The following SREK1IP1 variants were observed in gnomAD, a reference collection of about 807,000 sequenced individuals.
SREK1IP1 encodes protein SREK1IP1.
A neutral mutation model predicts 22.8 loss-of-function variants in SREK1IP1; 12 were observed. That is an observed-to-expected ratio of 0.53 (90% CI 0.34 to 0.85). The LOEUF (loss-of-function observed/expected upper bound fraction) is 0.85. Among genes scored for constraint, SREK1IP1 ranks in the 40% least tolerant of loss-of-function variants. The pLI, the probability that SREK1IP1 is intolerant of heterozygous loss-of-function variation, is 0.02. For missense variants in SREK1IP1, 147 were observed against 171.8 expected (o/e 0.86, Z 0.81); for synonymous variants, 53 against 52.7 (o/e 1.01, Z -0.02).
At chr5:64,755,977 TAAGA>T (rs953265605) in intron 1 of SREK1IP1, among the ~76,000 whole-genome samples, 30 of 152,204 alleles carry the variant, frequency 2.0e-4, no homozygotes, top group South Asian at 6.2e-4. Context: ...CTAGGTATTA[TAAGA>T]AATATCTAAA....
chr5:64,751,573 T>C (rs940941570), intron 2 of SREK1IP1, among the ~76,000 whole-genome samples: 9 of 152,212 alleles, frequency 5.9e-5, no homozygotes, highest in Admixed American at 2.0e-4. Flanking sequence ...CAGAATGTTC[T>C]TCACTGTCCA....
At chr5:64,757,297 G>A (rs1358296241) in intron 1 of SREK1IP1, among the ~76,000 whole-genome samples, 1 of 152,170 alleles carries the variant, frequency 6.6e-6, no homozygotes, top group African/African-American at 2.4e-5. Context: ...CTGGGAGGCT[G>A]AGGTAGGAGG....
intron 2 of SREK1IP1, 148 bp downstream of exon 2, chr5:64,754,167 C>A: frequency 1.5e-6 from 1 of 679,774 alleles, no homozygotes; most frequent in South Asian, 2.2e-5. Flanking sequence ...TTAGTGCTAA[C>A]AGAGGAATTT....
At chr5:64,737,528 A>G (rs1401011725) in intron 3 of SREK1IP1, among the ~76,000 whole-genome samples, 1 of 150,212 alleles carries the variant, frequency 6.7e-6, no homozygotes. Context: ...AAAAAAGAAA[A>G]GAAGGATCTC....
chr5:64,750,436 T>A (rs902853316), intron 2 of SREK1IP1, among the ~76,000 whole-genome samples: 1 of 152,190 alleles, frequency 6.6e-6, no homozygotes, highest in Admixed American at 6.5e-5. Context: ...GACAAATGAA[T>A]CTGACTCAAA....
intron 3 of SREK1IP1, among the ~76,000 whole-genome samples, chr5:64,737,435 C>A: frequency 7.0e-6 from 1 of 143,660 alleles, no homozygotes; most frequent in Non-Finnish European, 1.5e-5. Flanking sequence ...AAAAGCAGTA[C>A]TAAAAGGGAA....
chr5:64,718,221 C>A lies in SREK1IP1; in HGVS notation c.*6163G>T. 2.3e-6 allele frequency: 1 copy of A among 444,116 alleles called. No individual in the cohort carries two copies. 27.5% of individuals were successfully genotyped at this position (444,116 alleles called of 1,614,324 possible). A position where few individuals can be genotyped will look rare whatever the true frequency, so the allele number is the denominator to read the frequency against. Reference sequence around the variant, plus strand: ...GTTTTCCTTTGTATAAATTTATTTGCTAATTAAGATGTTTCTGTATCACAT... The same window carrying A: ...GTTTTCCTTTGTATAAATTTATTTGATAATTAAGATGTTTCTGTATCACAT... On this transcript the variant is annotated 3_prime_UTR_variant, in exon 5 of 5. Transcript: ENST00000513458.
intron 2 of SREK1IP1, 130 bp from the exon 3 acceptor site, chr5:64,741,330 T>C: frequency 1.1e-6 from 1 of 900,138 alleles, no homozygotes; most frequent in Non-Finnish European, 1.7e-6. Context: ...AGCTTTAACT[T>C]TTATTCAGTT....
intron 2 of SREK1IP1, among the ~76,000 whole-genome samples, chr5:64,748,992 C>T (rs1742691340): frequency 6.6e-6 from 1 of 151,064 alleles, no homozygotes; most frequent in African/African-American, 2.4e-5. Flanking sequence ...AGGTTATGAC[C>T]ATTTATTTTA....
At position 64,724,359 on chromosome 5, in the gene SREK1IP1, T is replaced by C. The variant is rs1221556069; in HGVS notation, c.*25A>G. ...ACGTTTTAAAAACAAATTTTTAAAT[T>C]TAACGGCTTAAGCCAAAGTCTCAGT... On this transcript the variant is annotated 3_prime_UTR_variant, in exon 5 of 5. Coordinates refer to ENST00000513458, the MANE Select transcript of SREK1IP1 (RefSeq NM_173829.4). The C allele has an allele frequency of 2.0e-6, 3 of 1,494,416 alleles. No individual in the cohort carries two copies. In the African/African-American group the frequency reaches 4.2e-5, roughly 21 times the overall value. 92.6% of individuals were successfully genotyped at this position (1,494,416 alleles called of 1,614,324 possible).
chr5:64,719,675 A>G lies in SREK1IP1; in HGVS notation c.*4709T>C, dbSNP rs1482104863. The stretch of plus-strand genomic sequence containing the variant: ...CAAGAAGCAAGAAACAGACAGAGCT[A>G]GCAAAATGCTCACTGCCCCAACTCC... On this transcript the variant is annotated 3_prime_UTR_variant, in exon 5 of 5. Coordinates refer to ENST00000513458, the MANE Select transcript of SREK1IP1 (RefSeq NM_173829.4). 1 of 152,220 alleles carries G rather than the reference A, an allele frequency of 6.6e-6. No individual in the cohort carries two copies. The highest frequency in any genetic ancestry group is 1.5e-5 in the Non-Finnish European group (1 of 68,048). The allele number at this position is 152,220 out of a possible 1,614,324, so 9.4% of individuals were successfully genotyped here.
intron 3 of SREK1IP1, among the ~76,000 whole-genome samples, chr5:64,730,343 C>T (rs990947790): frequency 6.6e-6 from 1 of 151,998 alleles, no homozygotes; most frequent in Non-Finnish European, 1.5e-5. Context: ...GAATAAATAA[C>T]TTTGATGAGA....
At chr5:64,766,810 T>C (rs913887219) in intron 1 of SREK1IP1, among the ~76,000 whole-genome samples, 1 of 152,192 alleles carries the variant, frequency 6.6e-6, no homozygotes, top group African/African-American at 2.4e-5. Flanking sequence ...ATCTGTAAAA[T>C]GGGAATATTA....
Position 64,768,678 on chromosome 5 carries a change from C to T in SREK1IP1, c.-161G>A. 2.3e-6 allele frequency: 2 copies of T among 885,802 alleles called. No individual in the cohort carries two copies. Among genetic ancestry groups the T allele is most frequent in the Non-Finnish European group, 3.6e-6 (2 of 560,542 alleles). 54.9% of individuals were successfully genotyped at this position (885,802 alleles called of 1,614,324 possible). A position where few individuals can be genotyped will look rare whatever the true frequency, so the allele number is the denominator to read the frequency against. ...AGGGCCTGTACGCCTCTAGCGACGGCAGAACCAGTAGATGCGGATGCAGTT... is the reference window on the plus strand; with the variant it reads ...AGGGCCTGTACGCCTCTAGCGACGGTAGAACCAGTAGATGCGGATGCAGTT... On this transcript the variant is annotated 5_prime_UTR_variant, in exon 1 of 5. Transcript: ENST00000513458.
chr5:64,741,032 A>C, intron 3 of SREK1IP1, 25 bp downstream of exon 3: 1 of 1,597,548 alleles, frequency 6.3e-7, no homozygotes, highest in South Asian at 1.1e-5. Context: ...AACATTTCTA[A>C]AGAATGGAAA....
intron 1 of SREK1IP1, among the ~76,000 whole-genome samples, chr5:64,757,101 A>G (rs568253355): frequency 8.5e-5 from 13 of 152,296 alleles, no homozygotes; most frequent in Middle Eastern, 6.8e-3. Context: ...TTAAATTTTA[A>G]TATTATTTTA....
intron 2 of SREK1IP1, among the ~76,000 whole-genome samples, chr5:64,752,144 G>GATTTTTTTTTTT (rs1554065460): frequency 1.2e-5 from 1 of 85,476 alleles, no homozygotes; most frequent in Non-Finnish European, 2.2e-5. Context: ...TTTTTTTTGT[G>GATTTTTTTTTTT]TGTTTTTTTT....
rs754288707 is a variant in SREK1IP1 at position 64,724,099 on chromosome 5, C to A, written c.*285G>T. On this transcript the variant is annotated 3_prime_UTR_variant, in exon 5 of 5. Transcript: ENST00000513458. ...ACAATGAACTTATGAAGTAGTAACA[C>A]TAGCCAAACACACAGAGACACAAAT... The A allele has an allele frequency of 1.7e-5, 4 of 229,826 alleles. No individual in the cohort carries two copies. Among genetic ancestry groups the A allele is most frequent in the African/African-American group, 4.5e-5 (2 of 44,172 alleles). 14.2% of individuals were successfully genotyped at this position (229,826 alleles called of 1,614,324 possible). A position where few individuals can be genotyped will look rare whatever the true frequency, so the allele number is the denominator to read the frequency against.
At chr5:64,748,627 G>A (rs1221153314) in intron 2 of SREK1IP1, among the ~76,000 whole-genome samples, 1 of 152,072 alleles carries the variant, frequency 6.6e-6, no homozygotes. Context: ...TTCTGATTTG[G>A]AACAATAACA....
Sources: gnomAD v4.1 joint callset for allele counts (sites outside exome capture counted in the v4.1 genomes callset) on GRCh38, gnomAD v4.1.1 for gene constraint, MANE v1.5 for transcripts, NCBI Gene and HGNC (gene_info 2026-07-23, HGNC 2026-07-21) for gene names.